CELSR2: variants seen among roughly 807,000 people sequenced by gnomAD.
CELSR2 encodes cadherin EGF LAG seven-pass G-type receptor 2.
CELSR2 carries 81 observed loss-of-function variants against 251.6 expected under a neutral mutation model. The ratio of observed to expected loss-of-function variants is 0.32; its 90% CI spans 0.27 to 0.39. The LOEUF is 0.39. Among genes scored for constraint, CELSR2 ranks in the 10% least tolerant of loss-of-function variants. CELSR2 has a pLI of 1.00. For synonymous variants in CELSR2, 1,721 were observed against 1,670.5 expected (o/e 1.03, Z -0.74); for missense variants, 3,365 against 3,947.7 (o/e 0.85, Z 3.96).
At chr1:109,256,477 A>G (rs1303984362) in intron 1 of CELSR2, among the ~76,000 whole-genome samples, 1 of 152,128 alleles carries the variant, frequency 6.6e-6, no homozygotes, top group African/African-American at 2.4e-5. Flanking sequence ...CAGCTGAGCC[A>G]CCGCTGGTAC....
chr1:109,266,474 C>T (rs905768153), intron 15 of CELSR2: 10 of 354,344 alleles, frequency 2.8e-5, no homozygotes, highest in East Asian at 1.1e-4. Flanking sequence ...TGTGCAGTGG[C>T]GTGATCTCCG....
chr1:109,255,517 G>C (rs547737878), intron 1 of CELSR2, among the ~76,000 whole-genome samples: 15 of 152,314 alleles, frequency 9.8e-5, no homozygotes, highest in African/African-American at 3.6e-4. Context: ...AGCAGCTCCT[G>C]TCCATGGTCT....
In CELSR2 at chr1:109,264,200, C is replaced by T. The variant is rs376669111; in HGVS notation, c.5124C>T (p.Ala1708=). 69 of 1,613,044 alleles carry T rather than the reference C, an allele frequency of 4.3e-5. No homozygotes were observed. Among genetic ancestry groups the T allele is most frequent in the Non-Finnish European group, 5.2e-5 (61 of 1,179,836 alleles). ...ACCATGCACAGCTGGCACTGGGAGC[C>T]AGCGGGGGGCCCGGCCATGCCATTC... is the stretch of plus-strand genomic sequence containing the variant. The part of the protein sequence containing the change: ...DWHHAQLALG[A]SGGPGHAILS... Residue 1708 remains alanine, a synonymous_variant, in exon 10 of 34, where the codon GCC becomes GCT. Transcript: ENST00000271332.
In CELSR2 at chr1:109,269,210, G is replaced by A. The variant is rs766073542; in HGVS notation, c.6732G>A (p.Glu2244=). ...QRRHPELSQG[E]AVASVIIYRT... ...GGCACCCGGAGCTGAGCCAGGGTGA[G>A]GCTGTGGCCAGCGTCATCATCTACC... The change falls in exon 20 of 34, where the codon GAG becomes GAA. Residue 2244 remains glutamate, a synonymous_variant. Transcript: ENST00000271332. This position sits in a 1 kb window ranked among gnomAD's most constrained non-coding sequence, Gnocchi z 6.4. 5.6e-6 allele frequency: 9 copies of A among 1,612,870 alleles called. No homozygotes were observed. Among genetic ancestry groups the A allele is most frequent in the Non-Finnish European group, 7.6e-6 (9 of 1,179,882 alleles).
rs980717048 is a variant in CELSR2 at position 109,270,217 on chromosome 1, C to T, written c.7308+84C>T. The T allele has an allele frequency of 1.1e-5, 16 of 1,452,308 alleles. No individual in the cohort carries two copies. In the African/African-American group the frequency reaches 1.7e-4, roughly 15 times the overall value. The allele number at this position is 1,452,308 out of a possible 1,614,324, so 90.0% of individuals were successfully genotyped here. On this transcript the variant is annotated intron_variant, in intron 23 of 33. Transcript: ENST00000271332. ...CCCACTGGCAACCCCTGCTCCTGCA[C>T]CATGAACTCTAATAAGGTGCCTAGT... is the stretch of plus-strand genomic sequence containing the variant.
intron 8 of CELSR2, 70 bp from the exon 9 acceptor site, chr1:109,263,541 G>C (rs985043754): frequency 1.3e-6 from 2 of 1,572,902 alleles, no homozygotes; most frequent in East Asian, 2.2e-5. Flanking sequence ...AGCCGCCACC[G>C]CTGAGCATCA....
intron 7 of CELSR2, 31 bp downstream of exon 7, chr1:109,263,000 G>T: frequency 6.2e-7 from 1 of 1,605,938 alleles, no homozygotes; most frequent in Non-Finnish European, 8.5e-7. Context: ...GCCAGGCTGG[G>T]ATCCCAGTGC....
Position 109,261,708 on chromosome 1 carries a change from C to CT in CELSR2, c.4297+81dup. 1.9e-6 allele frequency: 3 copies of CT among 1,549,132 alleles called. No homozygotes were observed. Among genetic ancestry groups the CT allele is most frequent in the East Asian group, 2.3e-5 (1 of 44,106 alleles). ...AGCCCCTGACCCCAAGCCACATACT[C>CT]TATCAGCCAAATCTGGGCCCAGCCC... On this transcript the variant is annotated intron_variant, in intron 4 of 33. Transcript: ENST00000271332. The surrounding 1 kb of genome is among the most constrained non-coding windows in gnomAD (Gnocchi z 4.8).
At position 109,253,276 on chromosome 1, in the gene CELSR2, G is replaced by C; in HGVS notation, c.3197G>C (p.Arg1066Pro). ...GATAGTCTGACTTACAGCTTTGAGCGGGGAAATGAACTCAGCCTGGTCCTG... is the reference window on the plus strand; with the variant it reads ...GATAGTCTGACTTACAGCTTTGAGCCGGGAAATGAACTCAGCCTGGTCCTG... ...ISDSLTYSFERGNELSLVLLN... is the reference protein window; with the variant it reads ...ISDSLTYSFEPGNELSLVLLN... The change falls in exon 1 of 34, where the codon CGG becomes CCG. Residue 1066 changes from arginine (R) to proline (P), a missense_variant. This residue lies in a region of CELSR2 where 505 missense variants were observed against 660.0 expected (regional missense o/e 0.77). Transcript: ENST00000271332. 1 of 1,613,474 alleles carries C rather than the reference G, an allele frequency of 6.2e-7. No homozygotes were observed. Among genetic ancestry groups the C allele is most frequent in the East Asian group, 2.2e-5 (1 of 44,894 alleles).
In CELSR2 at chr1:109,250,345, G is replaced by A; in HGVS notation, c.266G>A (p.Gly89Asp). 6.2e-7 allele frequency: 1 copy of A among 1,613,526 alleles called. No individual in the cohort carries two copies. The highest frequency in any genetic ancestry group is 8.5e-7 in the Non-Finnish European group (1 of 1,180,034). ...GGCCACCTGGTACCCCACCACGATG[G>A]CCTGAGGGTTTGGTGTCCAGAATCC... Reference protein sequence around the residue: ...LTGHLVPHHDGLRVWCPESEA... With the variant: ...LTGHLVPHHDDLRVWCPESEA... The change falls in exon 1 of 34, where the codon GGC (glycine) becomes GAC (aspartate). Residue 89 changes from glycine (G) to aspartate (D), a missense_variant. Gly to Asp is a moderately conservative substitution (Grantham distance 94). This residue lies in a region of CELSR2 where 704 missense variants were observed against 784.1 expected (regional missense o/e 0.90). Coordinates refer to ENST00000271332, the MANE Select transcript of CELSR2 (RefSeq NM_001408.3). The surrounding 1 kb of genome is among the most constrained non-coding windows in gnomAD (Gnocchi z 4.4).
At chr1:109,262,265 C>G (rs764767492) in intron 5 of CELSR2, 22 bp from the exon 6 acceptor site, 2 of 1,611,770 alleles carry the variant, frequency 1.2e-6, no homozygotes, top group South Asian at 2.2e-5. Flanking sequence ...TGTCCCCCTT[C>G]TCTGCTCTTT....
chr1:109,257,350 TAAA>T (rs71593475), intron 1 of CELSR2, among the ~76,000 whole-genome samples: 5 of 135,798 alleles, frequency 3.7e-5, no homozygotes, highest in African/African-American at 8.1e-5. Context: ...GTCTGTCTCT[TAAA>T]AAAAAAAAAA....
chr1:109,269,326 G>A lies in CELSR2; in HGVS notation c.6812+36G>A, dbSNP rs1350708924. On this transcript the variant is annotated intron_variant, in intron 20 of 33. Coordinates refer to ENST00000271332, the MANE Select transcript of CELSR2 (RefSeq NM_001408.3). This position sits in a 1 kb window ranked among gnomAD's most constrained non-coding sequence, Gnocchi z 6.4. ...AGGGGACAGGTGTGGGTAGGGGTAT[G>A]GGTCGGGCGGTGAGTGCTGAGGCAT... 1.9e-6 allele frequency: 3 copies of A among 1,611,648 alleles called. No individual in the cohort carries two copies. Among genetic ancestry groups the A allele is most frequent in the South Asian group, 1.1e-5 (1 of 90,982 alleles).
chr1:109,269,325 TG>T lies in CELSR2; in HGVS notation c.6812+38del, dbSNP rs370326260. Reference sequence around the variant, plus strand: ...TAGGGGACAGGTGTGGGTAGGGGTATGGGTCGGGCGGTGAGTGCTGAGGCAT... The same window carrying T: ...TAGGGGACAGGTGTGGGTAGGGGTATGGTCGGGCGGTGAGTGCTGAGGCAT... On this transcript the variant is annotated intron_variant, in intron 20 of 33. Coordinates refer to ENST00000271332, the MANE Select transcript of CELSR2 (RefSeq NM_001408.3). This position sits in a 1 kb window ranked among gnomAD's most constrained non-coding sequence, Gnocchi z 6.4. The T allele has an allele frequency of 2.4e-5, 39 of 1,611,722 alleles. No individual in the cohort carries two copies. The East Asian group carries it at 4.2e-4, about 18-fold the overall frequency.
At chr1:109,253,533 G>C in intron 1 of CELSR2, 144 bp downstream of exon 1, 1 of 1,424,792 alleles carries the variant, frequency 7.0e-7, no homozygotes, top group South Asian at 1.5e-5. Flanking sequence ...AGGGGCAAGA[G>C]CCAGCTTGGG....
chr1:109,271,353 A>G (rs1325910859), intron 26 of CELSR2, 33 bp from the exon 27 acceptor site: 5 of 1,612,406 alleles, frequency 3.1e-6, no homozygotes, highest in African/African-American at 2.7e-5. Context: ...GGGAGGTCTC[A>G]TGGCCGGACT....
chr1:109,263,943 A>G (rs991940461), intron 9 of CELSR2, 135 bp from the exon 10 acceptor site: 25 of 1,403,608 alleles, frequency 1.8e-5, no homozygotes, highest in Admixed American at 2.4e-5. Context: ...GCCTGAGGGA[A>G]ATAAATACGC....
Position 109,273,670 on chromosome 1 carries a change from A to G in CELSR2, c.8744A>G (p.Glu2915Gly). 1.7e-6 allele frequency: 1 copy of G among 603,842 alleles called. No homozygotes were observed. Among genetic ancestry groups the G allele is most frequent in the Non-Finnish European group, 2.6e-6 (1 of 377,578 alleles). 37.4% of individuals were successfully genotyped at this position (603,842 alleles called of 1,614,324 possible). The change falls in exon 33 of 34, where the codon GAA becomes GGA. Residue 2915 changes from glutamate (E) to glycine (G), a missense_variant and splice_region_variant. By Grantham distance (98) the Glu-to-Gly change is moderately conservative. Around this residue, in one of 5 missense-constraint regions of CELSR2, gnomAD observed 2,093 missense variants for 2,382.8 expected, o/e 0.88. Transcript: ENST00000271332. Reference protein sequence around the residue: ...GTVDEDSSGSEFLFFNFLH With the variant: ...GTVDEDSSGSGFLFFNFLH The stretch of plus-strand genomic sequence containing the variant: ...GTGGATGAGGACTCGTCAGGCTCCG[A>G]GTGAGTGTGGCCGGGTGGGCGGGAC...
At chr1:109,253,410 C>T (rs779714429) in intron 1 of CELSR2, 21 bp downstream of exon 1, 7 of 1,603,444 alleles carry the variant, frequency 4.4e-6, no homozygotes, top group Admixed American at 1.7e-5. Context: ...GCCCAGGTGG[C>T]GCTGGGGTGG....
Sources: allele counts gnomAD v4.1 joint callset (sites outside exome capture counted in the v4.1 genomes callset), GRCh38; gene constraint gnomAD v4.1.1; regional missense constraint gnomAD v4.1.1; non-coding constraint Gnocchi (gnomAD v3.1); transcripts MANE v1.5; gene names NCBI Gene and HGNC (gene_info 2026-07-23, HGNC 2026-07-21).